Variants in LDLRAD4 observed in about 807,000 individuals in gnomAD.
LDLRAD4 encodes low density lipoprotein receptor class A domain containing 4, also known as low-density lipoprotein receptor class A domain-containing protein 4.
LDLRAD4 carries 5 observed loss-of-function variants against 17.0 expected under a neutral mutation model. The observed-to-expected ratio is 0.29, with a 90% CI of 0.15 to 0.62. LDLRAD4 has a LOEUF of 0.62. Among genes scored for constraint, LDLRAD4 ranks in the 20% least tolerant of loss-of-function variants. LDLRAD4 has a pLI of 0.84. For synonymous variants in LDLRAD4, 168 were observed against 171.8 expected (o/e 0.98, Z 0.17); for missense variants, 340 against 424.7 (o/e 0.80, Z 1.75).
chr18:13,482,292 C>T (rs543387840), intron 3 of LDLRAD4, among the ~76,000 whole-genome samples: 2 of 152,302 alleles, frequency 1.3e-5, no homozygotes, highest in East Asian at 3.9e-4. Context: ...CTTCTGCACA[C>T]ACTTCCTCTG....
intron 4 of LDLRAD4, among the ~76,000 whole-genome samples, chr18:13,629,220 C>A (rs545295160): frequency 6.6e-6 from 1 of 152,288 alleles, no homozygotes; most frequent in African/African-American, 2.4e-5. Context: ...TTGCAAAGAG[C>A]AAATAGTTTT....
At chr18:13,413,795 G>C (rs535945598) in intron 2 of LDLRAD4, among the ~76,000 whole-genome samples, 1 of 152,098 alleles carries the variant, frequency 6.6e-6, no homozygotes, top group Non-Finnish European at 1.5e-5. Context: ...GCTGGGCGGG[G>C]TGGCACACGC....
At chr18:13,246,165 T>C (rs2042944846) in intron 1 of LDLRAD4, among the ~76,000 whole-genome samples, 3 of 152,262 alleles carry the variant, frequency 2.0e-5, no homozygotes, top group Non-Finnish European at 4.4e-5. Flanking sequence ...ATAACCCGTA[T>C]TGCTTGAAGT....
At chr18:13,636,815 G>C (rs994546431) in intron 4 of LDLRAD4, among the ~76,000 whole-genome samples, 1 of 142,378 alleles carries the variant, frequency 7.0e-6, no homozygotes, top group African/African-American at 2.7e-5. Context: ...TTTTTTTTTC[G>C]AGATGGAGTC....
chr18:13,473,544 G>A (rs892869813), intron 3 of LDLRAD4, among the ~76,000 whole-genome samples: 15 of 150,396 alleles, frequency 1.0e-4, no homozygotes, highest in Non-Finnish European at 7.4e-5. Context: ...GGAGGCTGAG[G>A]TGGGAGGCTT....
At chr18:13,312,322 T>A (rs1414895737) in intron 1 of LDLRAD4, among the ~76,000 whole-genome samples, 1 of 152,224 alleles carries the variant, frequency 6.6e-6, no homozygotes, top group Non-Finnish European at 1.5e-5. Flanking sequence ...CCTGAAGATA[T>A]CTCATTATGT....
At chr18:13,595,397 T>C (rs1373163520) in intron 3 of LDLRAD4, among the ~76,000 whole-genome samples, 1 of 152,240 alleles carries the variant, frequency 6.6e-6, no homozygotes, top group Non-Finnish European at 1.5e-5. Context: ...CCATAAGTTT[T>C]GGTATGTTTT....
intron 3 of LDLRAD4, among the ~76,000 whole-genome samples, chr18:13,485,997 A>G (rs8093578): frequency 0.055 from 8,423 of 152,276 alleles, 798 homozygotes; most frequent in African/African-American, 0.19. Context: ...TTAAAGCGGG[A>G]CTTTTCCCTT....
chr18:13,232,678 G>A (rs2042140324), intron 1 of LDLRAD4, among the ~76,000 whole-genome samples: 1 of 152,162 alleles, frequency 6.6e-6, no homozygotes, highest in African/African-American at 2.4e-5. Flanking sequence ...CGCTGTGGCT[G>A]CCAAGTCCCC....
At chr18:13,264,476 A>G (rs2044101879) in intron 1 of LDLRAD4, among the ~76,000 whole-genome samples, 1 of 152,270 alleles carries the variant, frequency 6.6e-6, no homozygotes, top group Non-Finnish European at 1.5e-5. Flanking sequence ...TCAATTCCAC[A>G]GTGTCCCTTT....
chr18:13,428,219 G>T (rs531629338), intron 2 of LDLRAD4, among the ~76,000 whole-genome samples: 1 of 152,186 alleles, frequency 6.6e-6, no homozygotes, highest in African/African-American at 2.4e-5. Context: ...AGGAGGAGCC[G>T]GGAGTCTGGG....
At chr18:13,390,628 G>C (rs1478033002) in intron 2 of LDLRAD4, among the ~76,000 whole-genome samples, 5 of 152,182 alleles carry the variant, frequency 3.3e-5, no homozygotes, top group African/African-American at 9.6e-5. Context: ...TTCAGAGAGA[G>C]GCCAGGGTGC....
intron 1 of LDLRAD4, among the ~76,000 whole-genome samples, chr18:13,255,193 C>CG (rs1439818544): frequency 6.6e-6 from 1 of 151,872 alleles, no homozygotes; most frequent in Non-Finnish European, 1.5e-5. Context: ...GACAGATGCC[C>CG]GCCCCCCCCA....
intron 3 of LDLRAD4, among the ~76,000 whole-genome samples, chr18:13,569,606 G>A (rs112636396): frequency 0.022 from 3,310 of 152,250 alleles, 140 homozygotes; most frequent in African/African-American, 0.077. Context: ...CCTTGGGGCT[G>A]GGCACAGTGG....
chr18:13,412,854 C>T (rs930883532), intron 2 of LDLRAD4, among the ~76,000 whole-genome samples: 10 of 152,200 alleles, frequency 6.6e-5, no homozygotes, highest in African/African-American at 1.9e-4. Context: ...ATCTTATGGA[C>T]GATCACTTTG....
At chr18:13,392,647 G>A (rs1277611192) in intron 2 of LDLRAD4, among the ~76,000 whole-genome samples, 1 of 152,176 alleles carries the variant, frequency 6.6e-6, no homozygotes, top group Non-Finnish European at 1.5e-5. Flanking sequence ...TCCTAAAGAG[G>A]TTGCTGGCTT....
At chr18:13,406,933 A>T (rs143652952) in intron 2 of LDLRAD4, among the ~76,000 whole-genome samples, 61 of 152,222 alleles carry the variant, frequency 4.0e-4, no homozygotes, top group African/African-American at 1.4e-3. Context: ...TAGAGCAGAC[A>T]CTGACTCAGC....
intron 1 of LDLRAD4, among the ~76,000 whole-genome samples, chr18:13,261,474 C>T (rs368183570): frequency 7.9e-5 from 12 of 152,272 alleles, no homozygotes; most frequent in East Asian, 5.8e-4. Context: ...TTACAGAAAT[C>T]CCAGTTTAGT....
intron 2 of LDLRAD4, among the ~76,000 whole-genome samples, chr18:13,414,486 G>A (rs540127503): frequency 1.3e-5 from 2 of 152,358 alleles, no homozygotes; most frequent in South Asian, 2.1e-4. Context: ...TGTGGAATTT[G>A]AATTTTACAA....
Sources: allele counts gnomAD v4.1 joint callset (sites outside exome capture counted in the v4.1 genomes callset), GRCh38; gene constraint gnomAD v4.1.1; transcripts MANE v1.5; gene names NCBI Gene and HGNC (gene_info 2026-07-23, HGNC 2026-07-21).